The following SYNPO2 variants were observed in gnomAD, a reference collection of about 807,000 sequenced individuals.
SYNPO2 encodes synaptopodin 2.
SYNPO2 carries 56 observed loss-of-function variants against 85.0 expected under a neutral mutation model. The observed-to-expected ratio is 0.66, with a 90% confidence interval of 0.53 to 0.82. SYNPO2 has a LOEUF of 0.82. SYNPO2 is among the 40% of genes least tolerant of loss of function. The probability of loss-of-function intolerance (pLI) is 0.00; values close to 1 mark genes in which losing one functional copy is unlikely to be tolerated. For missense variants in SYNPO2, 1,575 were observed against 1,534.2 expected, an observed-to-expected ratio of 1.03 and a Z score of -0.44; for synonymous variants, 602 against 591.1, an observed-to-expected ratio of 1.02 and a Z score of -0.27.
chr4:118,881,138 TA>T (rs1411853525), intron 1 of SYNPO2, among the ~76,000 whole-genome samples: 15 of 151,740 alleles, frequency 9.9e-5, no homozygotes, highest in African/African-American at 3.6e-4. Flanking sequence ...TCGTCTCTAC[TA>T]AAAATACAAA....
At chr4:119,004,078 C>G (rs1406303671) in intron 1 of SYNPO2, among the ~76,000 whole-genome samples, 1 of 152,148 alleles carries the variant, frequency 6.6e-6, no homozygotes, top group Non-Finnish European at 1.5e-5. Flanking sequence ...TTCCTGTTTT[C>G]GGCCCTACAT....
intron 1 of SYNPO2, among the ~76,000 whole-genome samples, chr4:118,918,726 T>C (rs1733437729): frequency 6.6e-6 from 1 of 152,220 alleles, no homozygotes; most frequent in Non-Finnish European, 1.5e-5. Flanking sequence ...AAGTTGTTCC[T>C]TAAAAACAAC....
intron 4 of SYNPO2, among the ~76,000 whole-genome samples, chr4:119,045,182 T>A (rs949154817): frequency 1.3e-5 from 2 of 152,230 alleles, no homozygotes; most frequent in African/African-American, 4.8e-5. Flanking sequence ...CAAATAGCAG[T>A]CACATAATTA....
intron 4 of SYNPO2, chr4:119,036,001 G>A (rs1738498216): frequency 3.0e-6 from 3 of 985,360 alleles, no homozygotes; most frequent in Non-Finnish European, 3.6e-6. Context: ...GAAGACACAT[G>A]GCTGTTAGTG....
intron 1 of SYNPO2, among the ~76,000 whole-genome samples, chr4:118,935,205 C>A (rs1176343699): frequency 6.6e-6 from 1 of 152,036 alleles, no homozygotes; most frequent in African/African-American, 2.4e-5. Flanking sequence ...TAGTTTATTG[C>A]TATATGTGTG....
At position 119,023,434 on chromosome 4, in the gene SYNPO2, G is replaced by C; in HGVS notation, c.110G>C (p.Arg37Pro). 2 of 1,605,174 alleles carry C rather than the reference G, an allele frequency of 1.2e-6. No homozygotes were observed. The highest frequency in any genetic ancestry group is 1.7e-6 in the Non-Finnish European group (2 of 1,176,814). Residue 37 changes from arginine (R) to proline (P), a missense_variant, in exon 2 of 5, where the codon CGA (arginine) becomes CCA (proline). Transcript: ENST00000307142. ...TTCTTTTTTTACTCCACTCAGATTC[G>C]AAATCAGAGCAAAGCCTCTGGGTCT... ...QKQPLQVAKI[R>P]NQSKASGSGL...
At position 119,059,808 on chromosome 4, in the gene SYNPO2, T is replaced by A. The variant is rs769063984; in HGVS notation, c.*1874T>A. On this transcript the variant is annotated 3_prime_UTR_variant, in exon 5 of 5. Coordinates refer to ENST00000307142, the MANE Select transcript of SYNPO2 (RefSeq NM_133477.3). ...AGTGATGATAGAACCAGATATAAAATTGTTCAGTGATGGAGAAAAGAAACG... is the reference window on the plus strand; with the variant it reads ...AGTGATGATAGAACCAGATATAAAAATGTTCAGTGATGGAGAAAAGAAACG... 3.9e-5 allele frequency: 6 copies of A among 151,936 alleles called. No homozygotes were observed. Among genetic ancestry groups the A allele is most frequent in the Non-Finnish European group, 8.8e-5 (6 of 67,968 alleles). 9.4% of individuals were successfully genotyped at this position (151,936 alleles called of 1,614,324 possible). A position where few individuals can be genotyped will look rare whatever the true frequency, so the allele number is the denominator to read the frequency against.
intron 1 of SYNPO2, among the ~76,000 whole-genome samples, chr4:118,902,378 G>T (rs139899602): frequency 6.6e-6 from 1 of 152,048 alleles, no homozygotes. Flanking sequence ...ACAGTTCCAC[G>T]TGGCTGGAAA....
chr4:118,959,746 G>T (rs914646569), intron 1 of SYNPO2, among the ~76,000 whole-genome samples: 1 of 152,066 alleles, frequency 6.6e-6, no homozygotes, highest in Admixed American at 6.6e-5. Context: ...ACTTAGCCCA[G>T]CACAAAGCTA....
At chr4:118,905,544 T>C (rs1042486890) in intron 1 of SYNPO2, among the ~76,000 whole-genome samples, 1 of 152,166 alleles carries the variant, frequency 6.6e-6, no homozygotes, top group African/African-American at 2.4e-5. Context: ...AAACATAGTA[T>C]GGAAAGTTAT....
At chr4:118,921,851 G>A (rs571310865) in intron 1 of SYNPO2, among the ~76,000 whole-genome samples, 3 of 151,484 alleles carry the variant, frequency 2.0e-5, no homozygotes, top group Non-Finnish European at 4.4e-5. Context: ...CCCTCAATAT[G>A]CAGTCCTCTC....
chr4:119,029,377 TC>T (rs1310979586), intron 3 of SYNPO2, among the ~76,000 whole-genome samples: 7 of 152,126 alleles, frequency 4.6e-5, no homozygotes, highest in African/African-American at 1.7e-4. Context: ...TAAAACATCT[TC>T]TTGGGACGCT....
chr4:118,876,738 T>G (rs956001336), intron 1 of SYNPO2, among the ~76,000 whole-genome samples: 1 of 119,990 alleles, frequency 8.3e-6, no homozygotes, highest in Non-Finnish European at 1.8e-5. Flanking sequence ...TCTTTCTTTC[T>G]GCCTTTCTCT....
intron 1 of SYNPO2, among the ~76,000 whole-genome samples, chr4:118,930,624 A>G (rs1483255094): frequency 1.3e-5 from 2 of 151,936 alleles, no homozygotes. Context: ...TTAGATTACA[A>G]ATAGCATATG....
intron 1 of SYNPO2, among the ~76,000 whole-genome samples, chr4:118,943,106 C>CA (rs1321117002): frequency 0.023 from 2,488 of 107,980 alleles, 65 homozygotes; most frequent in African/African-American, 0.072. Flanking sequence ...GACTCCATCT[C>CA]AAAAAAAAAA....
chr4:118,934,130 G>A (rs1734023646), intron 1 of SYNPO2, among the ~76,000 whole-genome samples: 1 of 152,026 alleles, frequency 6.6e-6, no homozygotes. Flanking sequence ...CTGAGAATGG[G>A]ATACTACTTT....
chr4:118,953,037 T>A (rs1217126724), intron 1 of SYNPO2, among the ~76,000 whole-genome samples: 1 of 152,094 alleles, frequency 6.6e-6, no homozygotes, highest in African/African-American at 2.4e-5. Flanking sequence ...GTAGGAGAAT[T>A]TTATGTGAAA....
chr4:119,051,123 A>G (rs572336532), intron 4 of SYNPO2, among the ~76,000 whole-genome samples: 2 of 151,990 alleles, frequency 1.3e-5, no homozygotes, highest in Non-Finnish European at 2.9e-5. Flanking sequence ...GAATGGCTGC[A>G]TAGAAGTACA....
At chr4:119,009,014 C>T (rs1332588504) in intron 1 of SYNPO2, among the ~76,000 whole-genome samples, 2 of 152,000 alleles carry the variant, frequency 1.3e-5, no homozygotes, top group Non-Finnish European at 2.9e-5. Context: ...CAAATGAAAA[C>T]CTCTTGTCTT....
Sources: allele counts gnomAD v4.1 joint callset (sites outside exome capture counted in the v4.1 genomes callset), GRCh38; gene constraint gnomAD v4.1.1; transcripts MANE v1.5; gene names NCBI Gene and HGNC (gene_info 2026-07-23, HGNC 2026-07-21).